The following FAM13B variants were observed in gnomAD, a reference collection of about 807,000 sequenced individuals.
FAM13B encodes family with sequence similarity 13 member B.
In FAM13B, 60 loss-of-function variants were observed where a neutral mutation model predicts 117.3. That is an observed-to-expected ratio of 0.51 (90% confidence interval 0.42 to 0.63). The LOEUF (loss-of-function observed/expected upper bound fraction) is 0.63, where lower values mean the gene tolerates loss of function less well. FAM13B is among the 30% of genes least tolerant of loss of function. The pLI, the probability that FAM13B is intolerant of heterozygous loss-of-function variation, is 0.00. For synonymous variants in FAM13B, 332 were observed against 356.1 expected, an observed-to-expected ratio of 0.93 and a Z score of 0.76; for missense variants, 972 against 1,091.9, an observed-to-expected ratio of 0.89 and a Z score of 1.55.
At chr5:137,946,207 T>G in intron 19 of FAM13B, 21 bp downstream of exon 19, 1 of 1,561,372 alleles carries the variant, frequency 6.4e-7, no homozygotes, top group Non-Finnish European at 8.7e-7. Context: ...AATCAAATCT[T>G]TTTAGCAAGA....
intron 2 of FAM13B, 73 bp downstream of exon 2, chr5:138,020,955 TAGC>T: frequency 2.1e-6 from 2 of 972,034 alleles, no homozygotes; most frequent in Non-Finnish European, 2.7e-6. Flanking sequence ...TTAAATCAAA[TAGC>T]AGCTACAGGG....
At chr5:137,988,361 A>G (rs748621157) in intron 7 of FAM13B, 46 bp from the exon 8 acceptor site, 20 of 1,475,198 alleles carry the variant, frequency 1.4e-5, no homozygotes, top group Non-Finnish European at 1.7e-5. Context: ...TCAATACTTA[A>G]TAACTACAAA....
At chr5:137,973,697 C>A (rs1276799224) in intron 10 of FAM13B, among the ~76,000 whole-genome samples, 1 of 150,142 alleles carries the variant, frequency 6.7e-6, no homozygotes, top group Non-Finnish European at 1.5e-5. Context: ...ATTTTCACAA[C>A]CTACTCATCT....
chr5:137,953,205 T>A, intron 16 of FAM13B, 131 bp downstream of exon 16: 2 of 965,420 alleles, frequency 2.1e-6, no homozygotes, highest in Non-Finnish European at 3.1e-6. Context: ...CAGATCTACA[T>A]GATCACTGTT....
chr5:137,960,200 A>G lies in FAM13B; in HGVS notation c.1259T>C (p.Leu420Ser). 1 of 1,524,240 alleles carries G rather than the reference A, an allele frequency of 6.6e-7. No individual in the cohort carries two copies. The highest frequency in any genetic ancestry group is 9.0e-7 in the Non-Finnish European group (1 of 1,112,732). 94.4% of individuals were successfully genotyped at this position (1,524,240 alleles called of 1,614,324 possible). ...GTGTGACAATTTATCACTGTCAAAT[A>G]ACAAATATTCTTCCCTAAAAATACA... ...DGCLEREEYL[L>S]FDSDKLSHLI... is the part of the protein sequence containing the mutation. Residue 420 changes from leucine to serine, a missense_variant, in exon 12 of 24, where the codon TTA (leucine) becomes TCA (serine). Transcript: ENST00000689681.
chr5:137,976,545 G>A (rs1363512444), intron 10 of FAM13B, among the ~76,000 whole-genome samples: 1 of 152,196 alleles, frequency 6.6e-6, no homozygotes, highest in African/African-American at 2.4e-5. Context: ...GGCCACTGTT[G>A]TTGCAGGAAG....
intron 16 of FAM13B, 109 bp from the exon 17 acceptor site, chr5:137,952,818 C>T (rs188006649): frequency 3.9e-4 from 252 of 650,082 alleles, no homozygotes; most frequent in Non-Finnish European, 6.0e-4. Flanking sequence ...GCTCAATTCT[C>T]ATTTCATCTT....
At chr5:137,972,486 A>T (rs1283719293) in intron 10 of FAM13B, among the ~76,000 whole-genome samples, 1 of 150,858 alleles carries the variant, frequency 6.6e-6, no homozygotes, top group East Asian at 1.9e-4. Flanking sequence ...ATCTATGACA[A>T]ACCCACAGCC....
At chr5:137,986,295 T>G (rs1487415897) in intron 9 of FAM13B, among the ~76,000 whole-genome samples, 1 of 152,116 alleles carries the variant, frequency 6.6e-6, no homozygotes, top group Non-Finnish European at 1.5e-5. Flanking sequence ...ACATTTTTCA[T>G]TTTATATTTG....
chr5:137,980,168 C>A (rs149841741), intron 10 of FAM13B, among the ~76,000 whole-genome samples: 4 of 146,192 alleles, frequency 2.7e-5, no homozygotes, highest in African/African-American at 9.9e-5. Context: ...AATGAAACTC[C>A]GTCTCAAGAA....
chr5:138,006,175 G>GC (rs1782519573), intron 7 of FAM13B, among the ~76,000 whole-genome samples: 1 of 152,120 alleles, frequency 6.6e-6, no homozygotes, highest in Non-Finnish European at 1.5e-5. Context: ...GAGATTACAG[G>GC]CGTCAGCCAC....
chr5:137,961,792 T>C (rs1348825724), intron 11 of FAM13B, among the ~76,000 whole-genome samples: 1 of 152,224 alleles, frequency 6.6e-6, no homozygotes, highest in Non-Finnish European at 1.5e-5. Flanking sequence ...TCTTGAAGAC[T>C]GATGCAAAGG....
At chr5:137,948,622 T>G (rs1482167921) in intron 18 of FAM13B, among the ~76,000 whole-genome samples, 9 of 152,168 alleles carry the variant, frequency 5.9e-5, no homozygotes, top group Admixed American at 5.2e-4. Context: ...CTCGAACTCC[T>G]GGGCTCAGGC....
chr5:137,970,954 C>G lies in FAM13B; in HGVS notation c.1180-8485G>C, dbSNP rs1012876111. ...CACCCAATACAGGAGCACCCAGATT[C>G]ATAAAGCAAGTCCTGAGTGACCTAC... On this transcript the variant is annotated intron_variant, in intron 10 of 23. Transcript: ENST00000689681. Among the ~76,000 whole-genome samples, 156 of 152,032 alleles carry G rather than the reference C, an allele frequency of 1.0e-3. 1 individual carries two copies. Among genetic ancestry groups the G allele is most frequent in the African/African-American group, 3.6e-3 (149 of 41,506 alleles).
intron 10 of FAM13B, among the ~76,000 whole-genome samples, chr5:137,980,783 A>C (rs1775487453): frequency 6.6e-6 from 1 of 152,210 alleles, no homozygotes; most frequent in Non-Finnish European, 1.5e-5. Flanking sequence ...CGAGTTGTTT[A>C]CTAGCTTACT....
chr5:137,990,832 A>G (rs1407831047), intron 7 of FAM13B, among the ~76,000 whole-genome samples: 1 of 152,072 alleles, frequency 6.6e-6, no homozygotes, highest in Non-Finnish European at 1.5e-5. Flanking sequence ...ATTTATATAT[A>G]TTTCTGCTGA....
At chr5:137,968,259 G>T (rs958386597) in intron 10 of FAM13B, among the ~76,000 whole-genome samples, 2 of 147,444 alleles carry the variant, frequency 1.4e-5, no homozygotes, top group Non-Finnish European at 3.0e-5. Context: ...AAGTCACAAT[G>T]TAAGTTTCCA....
At chr5:137,954,505 TACACAC>T (rs111423475) in intron 14 of FAM13B, 129 bp from the exon 15 acceptor site, 14 of 416,932 alleles carry the variant, frequency 3.4e-5, no homozygotes, top group East Asian at 8.5e-5. Flanking sequence ...CATACACACA[TACACAC>T]ACACACACAC....
chr5:137,975,990 T>TTTTTTTTTTTTTTC (rs1329104433), intron 10 of FAM13B, among the ~76,000 whole-genome samples: 12 of 148,070 alleles, frequency 8.1e-5, no homozygotes, highest in Admixed American at 1.3e-4. Context: ...CTTTTTTTTT[T>TTTTTTTTTTTTTTC]TTTTTGAGAC....
Sources: allele counts gnomAD v4.1 joint callset (sites outside exome capture counted in the v4.1 genomes callset), GRCh38; gene constraint gnomAD v4.1.1; transcripts MANE v1.5; gene names NCBI Gene and HGNC (gene_info 2026-07-23, HGNC 2026-07-21).